Variants in EGFR observed in about 807,000 individuals in gnomAD.
EGFR encodes avian erythroblastic leukemia viral (v-erb-b) oncogene homolog.
In EGFR, 58 loss-of-function variants were observed where a neutral mutation model predicts 143.0. The observed-to-expected ratio is 0.41, with a 90% confidence interval of 0.33 to 0.50. EGFR has a LOEUF of 0.50. Ranked by LOEUF, EGFR falls within the 20% of genes least tolerant of loss-of-function variation. EGFR has a pLI of 0.39. For synonymous variants in EGFR, 613 were observed against 594.4 expected, an observed-to-expected ratio of 1.03 and a Z score of -0.45; for missense variants, 1,307 against 1,579.0, an observed-to-expected ratio of 0.83 and a Z score of 2.92.
chr7:55,098,940 G>A (rs903855669), intron 1 of EGFR, among the ~76,000 whole-genome samples: 2 of 152,206 alleles, frequency 1.3e-5, no homozygotes, highest in African/African-American at 4.8e-5. Flanking sequence ...GCAGTGGGGA[G>A]TCAGACAGGA....
intron 1 of EGFR, among the ~76,000 whole-genome samples, chr7:55,132,238 G>A (rs979959025): frequency 1.4e-4 from 21 of 152,100 alleles, no homozygotes; most frequent in African/African-American, 4.8e-4. Flanking sequence ...ACCACCCCAC[G>A]GAAGCCAAAC....
chr7:55,151,291 CAGGCCAAA>C lies in EGFR; in HGVS notation c.560_567del (p.Cys187LeufsTer2), dbSNP rs1271819892. On this transcript the variant is annotated splice_acceptor_variant and coding_sequence_variant, in exon 5 of 28. Coordinates refer to ENST00000275493, the MANE Select transcript of EGFR (RefSeq NM_005228.5). LOFTEE classifies it high-confidence loss of function. ...ATATGCATCTATTACTTTTACATTT[CAGGCCAAA>C]AGTGTGATCCAAGCTGTCCCAATGG... 3 of 1,614,016 alleles carry C rather than the reference CAGGCCAAA, an allele frequency of 1.9e-6. No individual in the cohort carries two copies. The highest frequency in any genetic ancestry group is 2.5e-6 in the Non-Finnish European group (3 of 1,179,994).
In EGFR at chr7:55,174,931, A is replaced by C. The variant is rs569802504; in HGVS notation, c.2283+111A>C. ...GACCCTGCTCATCTCCACATCCTAA[A>C]TGTTCACTTTCTATGTCTTTCCCTT... On this transcript the variant is annotated intron_variant, in intron 19 of 27. Transcript: ENST00000275493. The C allele has an allele frequency of 1.1e-5, 9 of 832,930 alleles. No individual in the cohort carries two copies. In the African/African-American group the frequency reaches 1.3e-4, roughly 12 times the overall value. 51.6% of individuals were successfully genotyped at this position (832,930 alleles called of 1,614,324 possible).
At chr7:55,181,719 T>C (rs113262469) in intron 20 of EGFR, 15 of 587,274 alleles carry the variant, frequency 2.6e-5, no homozygotes, top group African/African-American at 1.5e-4. Context: ...TTTCTCTTTA[T>C]TGAGTGCTCA....
intron 1 of EGFR, among the ~76,000 whole-genome samples, chr7:55,101,358 T>A (rs891208249): frequency 6.6e-5 from 10 of 152,372 alleles, no homozygotes; most frequent in African/African-American, 2.4e-4. Context: ...GCTCCAGCAT[T>A]TCCCCGTGTT....
chr7:55,174,847 G>A (rs780323824), intron 19 of EGFR, 27 bp downstream of exon 19: 2 of 1,592,326 alleles, frequency 1.3e-6, no homozygotes, highest in Non-Finnish European at 1.7e-6. Context: ...CTGTGTGGGG[G>A]TCCATGGCTC....
At chr7:55,040,151 G>C (rs1163370862) in intron 1 of EGFR, among the ~76,000 whole-genome samples, 1 of 152,180 alleles carries the variant, frequency 6.6e-6, no homozygotes, top group Non-Finnish European at 1.5e-5. Context: ...GCTGCAGGGA[G>C]CCTTGAGTTC....
intron 6 of EGFR, among the ~76,000 whole-genome samples, chr7:55,153,136 G>A (rs1785241826): frequency 6.6e-6 from 1 of 152,214 alleles, no homozygotes; most frequent in African/African-American, 2.4e-5. Context: ...GCTGGCTGGG[G>A]CTGGGTTAGG....
intron 1 of EGFR, among the ~76,000 whole-genome samples, chr7:55,099,657 G>C (rs1791686080): frequency 6.6e-6 from 1 of 152,192 alleles, no homozygotes; most frequent in Non-Finnish European, 1.5e-5. Flanking sequence ...CTGGGACTCT[G>C]CCTTCAGGGC....
chr7:55,146,774 G>A (rs1427062701), intron 4 of EGFR, 34 bp downstream of exon 4: 2 of 1,613,852 alleles, frequency 1.2e-6, no homozygotes, highest in Non-Finnish European at 1.7e-6. Context: ...TCTGCCTCCA[G>A]CTCCTATGGG....
chr7:55,019,739 G>A (rs954566075), intron 1 of EGFR, among the ~76,000 whole-genome samples: 1 of 152,134 alleles, frequency 6.6e-6, no homozygotes, highest in Non-Finnish European at 1.5e-5. Context: ...GCCTGGGGCC[G>A]GGGTCCCGCA....
In EGFR at chr7:55,161,555, G is replaced by C. The variant is rs2128942853; in HGVS notation, c.1555G>C (p.Glu519Gln). The change falls in exon 13 of 28, where the codon GAG (glutamate) becomes CAG (glutamine). Residue 519 changes from glutamate (E) to glutamine (Q), a missense_variant. By Grantham distance (29) the Glu-to-Gln change is conservative. Around this residue, in one of 7 missense-constraint regions of EGFR, gnomAD observed 250 missense variants for 295.1 expected, o/e 0.85. Transcript: ENST00000275493. ...CTCCCCCGAGGGCTGCTGGGGCCCG[G>C]AGCCCAGGGACTGCGTCTCTTGCCG... ...LCSPEGCWGP[E>Q]PRDCVSCRNV... 1 of 1,614,260 alleles carries C rather than the reference G, an allele frequency of 6.2e-7. No homozygotes were observed. The highest frequency in any genetic ancestry group is 8.5e-7 in the Non-Finnish European group (1 of 1,180,046).
At chr7:55,030,156 C>T (rs1282411744) in intron 1 of EGFR, among the ~76,000 whole-genome samples, 1 of 152,216 alleles carries the variant, frequency 6.6e-6, no homozygotes, top group East Asian at 1.9e-4. Flanking sequence ...CTACACAGCA[C>T]TGTCTCTCAA....
At position 55,207,907 on chromosome 7, in the gene EGFR, C is replaced by G. The variant is rs955692645; in HGVS notation, c.*2290C>G. 6.6e-6 allele frequency: 1 copy of G among 152,192 alleles called. No homozygotes were observed. Among genetic ancestry groups the G allele is most frequent in the African/African-American group, 2.4e-5 (1 of 41,438 alleles). The allele number at this position is 152,192 out of a possible 1,614,324, so 9.4% of individuals were successfully genotyped here. On this transcript the variant is annotated 3_prime_UTR_variant, in exon 28 of 28. Coordinates refer to ENST00000275493, the MANE Select transcript of EGFR (RefSeq NM_005228.5). ...CATTATTCATTCACCTCAGGACATG[C>G]AGAAATATTTCAGTCAGAACTGGGA... is the stretch of plus-strand genomic sequence containing the variant.
chr7:55,136,848 G>A (rs1449985912), intron 1 of EGFR, among the ~76,000 whole-genome samples: 1 of 152,162 alleles, frequency 6.6e-6, no homozygotes, highest in Non-Finnish European at 1.5e-5. Context: ...GCATTTTGGG[G>A]ATATTGTGTT....
intron 1 of EGFR, among the ~76,000 whole-genome samples, chr7:55,071,936 A>G (rs1432450048): frequency 1.1e-4 from 17 of 152,322 alleles, no homozygotes; most frequent in Non-Finnish European, 1.5e-5. Flanking sequence ...AGCAACACCA[A>G]CAGAAGACAG....
chr7:55,045,738 A>G (rs546840857), intron 1 of EGFR, among the ~76,000 whole-genome samples: 20 of 152,256 alleles, frequency 1.3e-4, no homozygotes, highest in Non-Finnish European at 2.1e-4. Flanking sequence ...GCATCCAGGA[A>G]GTACTCAATA....
intron 1 of EGFR, among the ~76,000 whole-genome samples, chr7:55,114,244 T>G (rs1164972569): frequency 6.6e-6 from 1 of 152,236 alleles, no homozygotes; most frequent in African/African-American, 2.4e-5. Flanking sequence ...CCATTTAATA[T>G]TTTAAAAGAT....
At position 55,170,449 on chromosome 7, in the gene EGFR, C is replaced by G. The variant is rs138963326; in HGVS notation, c.1881-726C>G. 550 of 1,614,150 alleles carry G rather than the reference C, an allele frequency of 3.4e-4. 1 individual carries two copies. The African/African-American group carries it at 6.7e-3, about 20-fold the overall frequency. The stretch of plus-strand genomic sequence containing the variant: ...ATGCTTAGGATGGATCCCTTCTCTT[C>G]TGCCGTCAGAGTTTCAGCTGGGTTG... On this transcript the variant is annotated intron_variant, in intron 15 of 27. Transcript: ENST00000275493.
Sources: gnomAD v4.1 joint callset for allele counts (sites outside exome capture counted in the v4.1 genomes callset) on GRCh38, gnomAD v4.1.1 for gene constraint, gnomAD v4.1.1 regional missense constraint, MANE v1.5 for transcripts, NCBI Gene and HGNC (gene_info 2026-07-23, HGNC 2026-07-21) for gene names.